Variants in IMPG2 observed in about 807,000 individuals in gnomAD.
IMPG2 encodes interphotoreceptor matrix proteoglycan 2.
In IMPG2, 91 loss-of-function variants were observed where a neutral mutation model predicts 129.2. That is an observed-to-expected ratio of 0.70 (90% confidence interval 0.59 to 0.84). IMPG2 has a LOEUF of 0.84. Ranked by LOEUF, IMPG2 falls within the 40% of genes least tolerant of loss-of-function variation. The pLI is 0.00. For missense variants in IMPG2, 1,430 were observed against 1,461.7 expected, an observed-to-expected ratio of 0.98 and a Z score of 0.35; for synonymous variants, 510 against 517.7, an observed-to-expected ratio of 0.99 and a Z score of 0.20.
intron 12 of IMPG2, 52 bp from the exon 13 acceptor site, chr3:101,244,839 C>A: frequency 6.8e-6 from 10 of 1,463,284 alleles, no homozygotes; most frequent in Non-Finnish European, 9.5e-6. Context: ...AAAATGTATT[C>A]CTAGTTCTCC....
chr3:101,231,405 C>G (rs1706286367), intron 15 of IMPG2, among the ~76,000 whole-genome samples: 1 of 152,190 alleles, frequency 6.6e-6, no homozygotes, highest in South Asian at 2.1e-4. Flanking sequence ...GGAAATTATT[C>G]TACTTAACAT....
chr3:101,257,752 T>G lies in IMPG2; in HGVS notation c.930A>C (p.Ala310=). Residue 310 remains alanine, a synonymous_variant, in exon 10 of 19, where the codon GCA becomes GCC. Transcript: ENST00000193391. ...ENDSGVDVYY[A]VTFNGEAISN... ...TGATGGCCTCACCATTGAAGGTAACTGCATAGTAAACATCTACGCCACTAT... is the reference window on the plus strand; with the variant it reads ...TGATGGCCTCACCATTGAAGGTAACGGCATAGTAAACATCTACGCCACTAT... The G allele has an allele frequency of 1.2e-6, 2 of 1,613,278 alleles. No individual in the cohort carries two copies. Among genetic ancestry groups the G allele is most frequent in the Non-Finnish European group, 1.7e-6 (2 of 1,179,462 alleles).
At chr3:101,314,190 G>T (rs2058771503) in intron 2 of IMPG2, among the ~76,000 whole-genome samples, 2 of 152,050 alleles carry the variant, frequency 1.3e-5, no homozygotes, top group Admixed American at 1.3e-4. Flanking sequence ...TTTCAAGGGT[G>T]AGGAAACTAA....
chr3:101,273,013 T>C (rs1287806810), intron 7 of IMPG2, among the ~76,000 whole-genome samples: 1 of 152,140 alleles, frequency 6.6e-6, no homozygotes, highest in East Asian at 1.9e-4. Context: ...TATATAGAAT[T>C]TTCCCAGAAA....
intron 14 of IMPG2, among the ~76,000 whole-genome samples, chr3:101,236,988 A>C (rs1449312185): frequency 6.6e-6 from 1 of 152,180 alleles, no homozygotes; most frequent in Non-Finnish European, 1.5e-5. Context: ...TGCTGCCAGC[A>C]CAGCAGCCTG....
chr3:101,302,804 T>A (rs1398423531), intron 3 of IMPG2, among the ~76,000 whole-genome samples: 1 of 152,120 alleles, frequency 6.6e-6, no homozygotes, highest in African/African-American at 2.4e-5. Context: ...TGAGGTGCCA[T>A]GATTAAAAGT....
chr3:101,288,769 C>A (rs1467960720), intron 4 of IMPG2, among the ~76,000 whole-genome samples: 1 of 152,072 alleles, frequency 6.6e-6, no homozygotes, highest in Non-Finnish European at 1.5e-5. Flanking sequence ...TCCAATATAC[C>A]CATGTAACAA....
At chr3:101,296,437 T>G (rs778501275) in intron 3 of IMPG2, among the ~76,000 whole-genome samples, 1 of 152,216 alleles carries the variant, frequency 6.6e-6, no homozygotes, top group Non-Finnish European at 1.5e-5. Context: ...CTAGATAAGC[T>G]TTTTGATGTA....
At chr3:101,319,962 C>A in intron 1 of IMPG2, 130 bp from the exon 2 acceptor site, 1 of 915,498 alleles carries the variant, frequency 1.1e-6, no homozygotes, top group Non-Finnish European at 1.7e-6. Flanking sequence ...GGCAGGCATG[C>A]ATATCTAAGG....
At chr3:101,293,349 T>A (rs1707041831) in intron 3 of IMPG2, among the ~76,000 whole-genome samples, 1 of 152,148 alleles carries the variant, frequency 6.6e-6, no homozygotes, top group South Asian at 2.1e-4. Flanking sequence ...ATCAGAGCTC[T>A]TGGGTGGCTA....
chr3:101,275,023 T>A (rs1706826199), intron 6 of IMPG2, among the ~76,000 whole-genome samples: 1 of 151,688 alleles, frequency 6.6e-6, no homozygotes, highest in Non-Finnish European at 1.5e-5. Flanking sequence ...CTAAATTGCA[T>A]CTTCCTAGTG....
At chr3:101,298,872 G>C (rs887955049) in intron 3 of IMPG2, among the ~76,000 whole-genome samples, 2 of 152,122 alleles carry the variant, frequency 1.3e-5, no homozygotes, top group African/African-American at 4.8e-5. Context: ...TGATGATTAT[G>C]TGTCTTGGGG....
At chr3:101,239,192 A>C (rs1393599506) in intron 14 of IMPG2, among the ~76,000 whole-genome samples, 1 of 152,194 alleles carries the variant, frequency 6.6e-6, no homozygotes, top group Non-Finnish European at 1.5e-5. Context: ...TCCATCTGAC[A>C]AAGGGCTAAT....
chr3:101,258,768 C>T (rs1042130000), intron 9 of IMPG2, among the ~76,000 whole-genome samples: 2 of 152,132 alleles, frequency 1.3e-5, no homozygotes, highest in Admixed American at 6.6e-5. Flanking sequence ...ATTTTCTTAA[C>T]TAGTCTTTTG....
At chr3:101,319,910 C>T in intron 1 of IMPG2, 78 bp from the exon 2 acceptor site, 5 of 1,464,984 alleles carry the variant, frequency 3.4e-6, no homozygotes, top group Non-Finnish European at 4.7e-6. Flanking sequence ...AAAACTGACA[C>T]TTGGGCTACA....
chr3:101,228,030 A>G (rs1022596639), intron 18 of IMPG2, among the ~76,000 whole-genome samples: 3 of 152,212 alleles, frequency 2.0e-5, no homozygotes, highest in African/African-American at 7.2e-5. Context: ...ACGAACAAAC[A>G]CTTCCACGAA....
At chr3:101,263,788 A>G (rs1706694103) in intron 9 of IMPG2, among the ~76,000 whole-genome samples, 1 of 151,496 alleles carries the variant, frequency 6.6e-6, no homozygotes, top group Middle Eastern at 3.2e-3. Context: ...AAAAGATAAA[A>G]ATCAACAAAC....
chr3:101,296,074 C>A (rs967799788), intron 3 of IMPG2, among the ~76,000 whole-genome samples: 1 of 152,010 alleles, frequency 6.6e-6, no homozygotes, highest in East Asian at 1.9e-4. Flanking sequence ...GCCTGATTGC[C>A]CTGGCCAGAA....
chr3:101,254,699 T>C (rs1311974276), intron 10 of IMPG2, among the ~76,000 whole-genome samples: 1 of 152,128 alleles, frequency 6.6e-6, no homozygotes, highest in Admixed American at 6.6e-5. Context: ...TTGTCTTCTA[T>C]GAAAAATAAG....
Sources: allele counts gnomAD v4.1 joint callset (sites outside exome capture counted in the v4.1 genomes callset), GRCh38; gene constraint gnomAD v4.1.1; transcripts MANE v1.5; gene names NCBI Gene and HGNC (gene_info 2026-07-23, HGNC 2026-07-21).